RPS6KA5: variants seen among roughly 807,000 people sequenced by gnomAD.
RPS6KA5 encodes ribosomal protein S6 kinase A5.
A neutral mutation model predicts 85.5 loss-of-function variants in RPS6KA5; 27 were observed. The observed-to-expected ratio is 0.32, with a 90% confidence interval of 0.23 to 0.44. The LOEUF is 0.44. RPS6KA5 is among the 20% of genes least tolerant of loss of function. The pLI, the probability that RPS6KA5 is intolerant of heterozygous loss-of-function variation, is 1.00. For missense variants in RPS6KA5, 811 were observed against 980.9 expected, an observed-to-expected ratio of 0.83 and a Z score of 2.31; for synonymous variants, 334 against 348.2, an observed-to-expected ratio of 0.96 and a Z score of 0.46.
intron 1 of RPS6KA5, among the ~76,000 whole-genome samples, chr14:91,009,393 TA>T: frequency 6.6e-6 from 1 of 152,308 alleles, no homozygotes; most frequent in Non-Finnish European, 1.5e-5. Context: ...CTGTTGTTTA[TA>T]AATTACCTAA....
At chr14:91,033,127 C>T (rs1017766262) in intron 1 of RPS6KA5, among the ~76,000 whole-genome samples, 1 of 149,752 alleles carries the variant, frequency 6.7e-6, no homozygotes, top group African/African-American at 2.5e-5. Flanking sequence ...GTGGAGCTTG[C>T]AGTGAGCCGA....
intron 1 of RPS6KA5, among the ~76,000 whole-genome samples, chr14:91,040,196 C>G (rs955417532): frequency 6.6e-6 from 1 of 152,146 alleles, no homozygotes; most frequent in African/African-American, 2.4e-5. Flanking sequence ...CACTTGAGGT[C>G]GAGAGTTTGA....
At chr14:90,900,004 GAA>G in intron 11 of RPS6KA5, 102 bp downstream of exon 11, 2 of 980,774 alleles carry the variant, frequency 2.0e-6, no homozygotes, top group South Asian at 5.6e-5. Flanking sequence ...CTTTGGGTAA[GAA>G]AGTCTTACAA....
intron 12 of RPS6KA5, among the ~76,000 whole-genome samples, chr14:90,894,898 C>G (rs2034753661): frequency 6.6e-6 from 1 of 152,040 alleles, no homozygotes; most frequent in South Asian, 2.1e-4. Context: ...GAAATCTGCC[C>G]TTGAATTCCT....
chr14:91,004,108 C>G (rs969333276), intron 1 of RPS6KA5, among the ~76,000 whole-genome samples: 1 of 152,060 alleles, frequency 6.6e-6, no homozygotes, highest in Admixed American at 6.6e-5. Flanking sequence ...TTTTTTGAGA[C>G]GGAGTTTCGC....
rs550472915 is a variant in RPS6KA5 at position 90,890,250 on chromosome 14, T to C, written c.1836+237A>G. On this transcript the variant is annotated intron_variant, in intron 14 of 16. Coordinates refer to ENST00000614987, the MANE Select transcript of RPS6KA5 (RefSeq NM_004755.4). ...ATAGTTCCTTTAACTCTCATTGATA[T>C]AAAACACAGCTAACTTAAATATTTC... is the stretch of plus-strand genomic sequence containing the variant. Among the ~76,000 whole-genome samples, 18 of 152,310 alleles carry C rather than the reference T, an allele frequency of 1.2e-4. 1 individual carries two copies. The South Asian group carries it at 3.3e-3, about 28-fold the overall frequency.
chr14:91,012,982 A>C (rs1256433215), intron 1 of RPS6KA5, among the ~76,000 whole-genome samples: 1 of 152,070 alleles, frequency 6.6e-6, no homozygotes, highest in Non-Finnish European at 1.5e-5. Flanking sequence ...TAAGACCAGC[A>C]ATCCCATCCC....
chr14:90,911,433 G>A (rs990437227), intron 7 of RPS6KA5: 2 of 150,384 alleles, frequency 1.3e-5, no homozygotes, highest in Admixed American at 6.6e-5. Context: ...CCATTTAAAA[G>A]TTCACAATCT....
rs1261576800 is a variant in RPS6KA5, at chr14:90,861,736, A to G, written c.*10338T>C. Reference sequence around the variant, plus strand: ...AACATGGTGAAACCCCGTCTCTACTAAAAATACAAAAATTAGCTGGGTGTG... The same window carrying G: ...AACATGGTGAAACCCCGTCTCTACTGAAAATACAAAAATTAGCTGGGTGTG... On this transcript the variant is annotated 3_prime_UTR_variant, in exon 17 of 17. Coordinates refer to ENST00000614987, the MANE Select transcript of RPS6KA5 (RefSeq NM_004755.4). 1 of 152,008 alleles carries G rather than the reference A, an allele frequency of 6.6e-6. No homozygotes were observed. Among genetic ancestry groups the G allele is most frequent in the Non-Finnish European group, 1.5e-5 (1 of 68,088 alleles). The allele number at this position is 152,008 out of a possible 1,614,324, so 9.4% of individuals were successfully genotyped here.
chr14:90,942,752 A>C (rs1471577312), intron 5 of RPS6KA5, among the ~76,000 whole-genome samples: 1 of 152,228 alleles, frequency 6.6e-6, no homozygotes, highest in East Asian at 1.9e-4. Flanking sequence ...GCCACTATCA[A>C]AGCCATAATT....
At chr14:90,938,151 G>C (rs1199615279) in intron 5 of RPS6KA5, among the ~76,000 whole-genome samples, 1 of 152,154 alleles carries the variant, frequency 6.6e-6, no homozygotes, top group African/African-American at 2.4e-5. Flanking sequence ...AAAACAAAGG[G>C]ACTACAGGTC....
At chr14:91,012,708 T>TCTA (rs1340731168) in intron 1 of RPS6KA5, among the ~76,000 whole-genome samples, 1 of 152,178 alleles carries the variant, frequency 6.6e-6, no homozygotes, top group Non-Finnish European at 1.5e-5. Flanking sequence ...CTCACCAACT[T>TCTA]CTACACAAGA....
At chr14:91,020,688 C>T (rs1164722746) in intron 1 of RPS6KA5, among the ~76,000 whole-genome samples, 1 of 146,608 alleles carries the variant, frequency 6.8e-6, no homozygotes, top group African/African-American at 2.5e-5. Flanking sequence ...CCTATTGGTC[C>T]TGGTCTCTGG....
chr14:90,892,193 G>T (rs1272166400), intron 13 of RPS6KA5, among the ~76,000 whole-genome samples: 1 of 151,942 alleles, frequency 6.6e-6, no homozygotes, highest in Admixed American at 6.6e-5. Flanking sequence ...GTAGAGATGA[G>T]GTTTTGCCAT....
chr14:90,914,916 T>G (rs1428579389), intron 7 of RPS6KA5, among the ~76,000 whole-genome samples: 2 of 152,180 alleles, frequency 1.3e-5, no homozygotes, highest in Non-Finnish European at 2.9e-5. Context: ...AAAAAGTTTT[T>G]GGTTAACTAG....
chr14:90,992,075 A>C (rs2040332932), intron 2 of RPS6KA5, among the ~76,000 whole-genome samples: 1 of 152,166 alleles, frequency 6.6e-6, no homozygotes, highest in Admixed American at 6.5e-5. Flanking sequence ...AGTCTTTCCT[A>C]TTATTCTAAG....
chr14:90,972,352 C>A (rs924438392), intron 3 of RPS6KA5, among the ~76,000 whole-genome samples: 3 of 152,098 alleles, frequency 2.0e-5, no homozygotes, highest in African/African-American at 4.8e-5. Flanking sequence ...GGGCAACTAA[C>A]CTTACCAAGA....
chr14:90,982,896 G>A (rs1332250873), intron 2 of RPS6KA5, among the ~76,000 whole-genome samples: 1 of 152,168 alleles, frequency 6.6e-6, no homozygotes, highest in Non-Finnish European at 1.5e-5. Flanking sequence ...GGCAGATCAT[G>A]AGGTCAGGAG....
intron 12 of RPS6KA5, among the ~76,000 whole-genome samples, chr14:90,898,034 A>C (rs1350135455): frequency 6.6e-6 from 1 of 152,130 alleles, no homozygotes; most frequent in Admixed American, 6.5e-5. Flanking sequence ...TTCTGACTAC[A>C]AGAACCAAAG....
Sources: allele counts gnomAD v4.1 joint callset (sites outside exome capture counted in the v4.1 genomes callset), GRCh38; gene constraint gnomAD v4.1.1; transcripts MANE v1.5; gene names NCBI Gene and HGNC (gene_info 2026-07-23, HGNC 2026-07-21).